DOCK3: variants seen among roughly 807,000 people sequenced by gnomAD.
The protein encoded by DOCK3 is dedicator of cytokinesis protein 3.
A neutral mutation model predicts 265.6 loss-of-function variants in DOCK3; 60 were observed. That is an observed-to-expected ratio of 0.23 (90% confidence interval 0.18 to 0.28). The LOEUF is 0.28. DOCK3 is among the 10% of genes least tolerant of loss of function. DOCK3 has a pLI of 1.00. For synonymous variants in DOCK3, 881 were observed against 938.0 expected (o/e 0.94, Z 1.11); for missense variants, 1,981 against 2,594.3 (o/e 0.76, Z 5.14).
chr3:51,092,548 A>G (rs2082677956), intron 9 of DOCK3, among the ~76,000 whole-genome samples: 1 of 152,212 alleles, frequency 6.6e-6, no homozygotes, highest in Admixed American at 6.5e-5. Flanking sequence ...TCTCCCTGGG[A>G]CAGAGCACCT....
At chr3:51,246,984 C>T (rs989470327) in intron 22 of DOCK3, among the ~76,000 whole-genome samples, 177 bp downstream of exon 22, 2 of 152,156 alleles carry the variant, frequency 1.3e-5, no homozygotes, top group African/African-American at 4.8e-5. Context: ...CCCCAGAAAG[C>T]TTTTATTCCT....
At chr3:51,360,102 C>T (rs2086622920) in intron 46 of DOCK3, among the ~76,000 whole-genome samples, 1 of 152,212 alleles carries the variant, frequency 6.6e-6, no homozygotes, top group South Asian at 2.1e-4. Flanking sequence ...TCTAATAAAA[C>T]CCAACACCAA....
chr3:51,070,073 G>A (rs531420346), intron 6 of DOCK3, among the ~76,000 whole-genome samples: 5 of 152,224 alleles, frequency 3.3e-5, no homozygotes, highest in African/African-American at 9.6e-5. Flanking sequence ...ATGTTCAATC[G>A]ACTGACTAAC....
intron 12 of DOCK3, among the ~76,000 whole-genome samples, chr3:51,177,389 A>T (rs965163168): frequency 6.6e-6 from 1 of 152,212 alleles, no homozygotes; most frequent in African/African-American, 2.4e-5. Flanking sequence ...TTAACCAATA[A>T]TATAGGCATA....
At chr3:50,961,892 T>C (rs1480966886) in intron 5 of DOCK3, among the ~76,000 whole-genome samples, 1 of 152,218 alleles carries the variant, frequency 6.6e-6, no homozygotes, top group African/African-American at 2.4e-5. Context: ...TATTAATTTT[T>C]AAATATTATC....
chr3:50,778,200 T>C (rs1450059026), intron 1 of DOCK3, among the ~76,000 whole-genome samples: 1 of 152,204 alleles, frequency 6.6e-6, no homozygotes, highest in African/African-American at 2.4e-5. Flanking sequence ...GTGCATATGC[T>C]TTCTATTTCA....
intron 1 of DOCK3, among the ~76,000 whole-genome samples, chr3:50,754,032 T>G (rs1291350859): frequency 6.6e-6 from 1 of 151,838 alleles, no homozygotes; most frequent in Non-Finnish European, 1.5e-5. Flanking sequence ...GTCACGCGCC[T>G]GTAGTCCCAG....
intron 3 of DOCK3, among the ~76,000 whole-genome samples, chr3:50,869,795 C>T (rs2047350005): frequency 6.6e-6 from 1 of 152,048 alleles, no homozygotes; most frequent in Admixed American, 6.6e-5. Context: ...GGTACTTATA[C>T]CTGTAAACTT....
chr3:50,783,453 C>G (rs530404879), intron 2 of DOCK3, among the ~76,000 whole-genome samples: 1 of 151,772 alleles, frequency 6.6e-6, no homozygotes, highest in Non-Finnish European at 1.5e-5. Flanking sequence ...TTCATGTGTT[C>G]ATTGGCCATT....
At chr3:51,141,685 T>C (rs1444007032) in intron 9 of DOCK3, among the ~76,000 whole-genome samples, 1 of 152,168 alleles carries the variant, frequency 6.6e-6, no homozygotes, top group East Asian at 1.9e-4. Context: ...TTTAAAAGGA[T>C]CAGTCTCTCC....
At chr3:51,222,089 C>A (rs2090124450) in intron 14 of DOCK3, among the ~76,000 whole-genome samples, 1 of 152,220 alleles carries the variant, frequency 6.6e-6, no homozygotes. Flanking sequence ...CTGTTTTCAA[C>A]AAGTTCCCCA....
intron 5 of DOCK3, among the ~76,000 whole-genome samples, chr3:50,966,225 G>A (rs1443554071): frequency 1.3e-5 from 2 of 152,056 alleles, no homozygotes; most frequent in Non-Finnish European, 2.9e-5. Flanking sequence ...TGCATCTACT[G>A]ACAGACACTT....
intron 1 of DOCK3, among the ~76,000 whole-genome samples, chr3:50,692,411 A>G (rs1039844672): frequency 6.6e-6 from 1 of 152,108 alleles, no homozygotes; most frequent in Non-Finnish European, 1.5e-5. Flanking sequence ...GGAGCGTGCA[A>G]CCTAGATCCT....
At chr3:50,708,683 A>G (rs932402202) in intron 1 of DOCK3, among the ~76,000 whole-genome samples, 2 of 152,302 alleles carry the variant, frequency 1.3e-5, no homozygotes, top group Non-Finnish European at 2.9e-5. Context: ...GGGCTTTCCC[A>G]TGGCTAGGAT....
intron 5 of DOCK3, among the ~76,000 whole-genome samples, chr3:50,997,380 TACTC>T (rs930703580): frequency 8.5e-5 from 13 of 152,164 alleles, no homozygotes; most frequent in African/African-American, 1.7e-4. Context: ...GGAAAAAAGA[TACTC>T]ATATAGTGTA....
intron 2 of DOCK3, among the ~76,000 whole-genome samples, chr3:50,823,478 T>C (rs2044573269): frequency 6.6e-6 from 1 of 152,176 alleles, no homozygotes; most frequent in Admixed American, 6.5e-5. Flanking sequence ...AGCACAGGGT[T>C]GGGGGTAAGG....
At chr3:50,785,531 G>A (rs185901205) in intron 2 of DOCK3, among the ~76,000 whole-genome samples, 140 of 152,216 alleles carry the variant, frequency 9.2e-4, no homozygotes, top group African/African-American at 3.2e-3. Context: ...AAGGATGCTG[G>A]ATTTTGTCAA....
chr3:51,329,423 CTTAAAA>C (rs1370344760), intron 32 of DOCK3, among the ~76,000 whole-genome samples: 12 of 152,220 alleles, frequency 7.9e-5, no homozygotes, highest in African/African-American at 2.4e-4. Flanking sequence ...ATCCCCTGAA[CTTAAAA>C]TTAAATTAAA....
intron 5 of DOCK3, among the ~76,000 whole-genome samples, chr3:50,949,020 G>T (rs1365751381): frequency 2.6e-5 from 4 of 152,046 alleles, no homozygotes; most frequent in African/African-American, 9.7e-5. Flanking sequence ...AACAAATGAG[G>T]GTAAATGAAT....
Sources: gnomAD v4.1 joint callset for allele counts (sites outside exome capture counted in the v4.1 genomes callset) on GRCh38, gnomAD v4.1.1 for gene constraint, MANE v1.5 for transcripts, NCBI Gene and HGNC (gene_info 2026-07-23, HGNC 2026-07-21) for gene names.